Variants in CYFIP1 observed in about 807,000 individuals in gnomAD.
CYFIP1 encodes the protein cytoplasmic FMR1 interacting protein 1.
In CYFIP1, 58 loss-of-function variants were observed where a neutral mutation model predicts 163.5. The ratio of observed to expected loss-of-function variants is 0.35; its 90% CI spans 0.29 to 0.44. The LOEUF (loss-of-function observed/expected upper bound fraction) is 0.44. Ranked by LOEUF, CYFIP1 falls within the 20% of genes least tolerant of loss-of-function variation. The pLI, the probability that CYFIP1 is intolerant of heterozygous loss-of-function variation, is 1.00. For synonymous variants in CYFIP1, 663 were observed against 660.7 expected (o/e 1.00, Z -0.05); for missense variants, 1,338 against 1,653.8 (o/e 0.81, Z 3.31).
At chr15:22,872,387 G>A (rs2059461333) in intron 30 of CYFIP1, among the ~76,000 whole-genome samples, 1 of 151,964 alleles carries the variant, frequency 6.6e-6, no homozygotes. Flanking sequence ...TTTAACTGAA[G>A]TCCTGAATGG....
chr15:22,961,338 G>A (rs1360412561), intron 1 of CYFIP1, among the ~76,000 whole-genome samples: 1 of 151,912 alleles, frequency 6.6e-6, no homozygotes, highest in Non-Finnish European at 1.5e-5. Flanking sequence ...TTCATTTCTT[G>A]TATTATCACT....
Position 22,874,642 on chromosome 15 carries a change from C to T in CYFIP1, c.3118G>A (p.Gly1040Arg), listed in dbSNP as rs745305763. ...TTCATTTTGGCATCAAGTCTCTCCC[C>T]CTCTGCAGTAGAAAAAATATTTTAC... ...NILPRVHVKE[G>R]ERLDAKMKRL... Residue 1040 changes from glycine to arginine, a missense_variant and splice_region_variant, in exon 28 of 31, where the codon GGG (glycine) becomes AGG (arginine). Gly to Arg is a moderately radical substitution (Grantham distance 125). This residue lies in a region of CYFIP1 where 306 missense variants were observed against 322.1 expected (regional missense o/e 0.95). Transcript: ENST00000617928. The T allele has an allele frequency of 6.3e-7, 1 of 1,587,112 alleles. No individual in the cohort carries two copies. Among genetic ancestry groups the T allele is most frequent in the South Asian group, 1.2e-5 (1 of 86,566 alleles).
chr15:22,954,674 A>C, intron 1 of CYFIP1, among the ~76,000 whole-genome samples: 1 of 152,314 alleles, frequency 6.6e-6, no homozygotes, highest in East Asian at 1.9e-4. Context: ...CTGATTTTCT[A>C]TCAGCAGCAG....
At chr15:22,907,805 C>T (rs1348539334) in intron 21 of CYFIP1, among the ~76,000 whole-genome samples, 1 of 152,164 alleles carries the variant, frequency 6.6e-6, no homozygotes, top group Non-Finnish European at 1.5e-5. Context: ...CTGAGGTCCC[C>T]CTGTGGCTCC....
chr15:22,932,831 C>T (rs1380077333), intron 10 of CYFIP1, among the ~76,000 whole-genome samples: 1 of 152,110 alleles, frequency 6.6e-6, no homozygotes, highest in East Asian at 1.9e-4. Context: ...CACTGTCAGT[C>T]TCTTCTTTTT....
intron 22 of CYFIP1, among the ~76,000 whole-genome samples, chr15:22,902,483 TCTC>T: frequency 6.6e-6 from 1 of 152,238 alleles, no homozygotes; most frequent in East Asian, 1.9e-4. Flanking sequence ...CTCATTTTTC[TCTC>T]CTATGTATCC....
chr15:22,939,546 C>G, intron 6 of CYFIP1, 39 bp from the exon 7 acceptor site: 1 of 831,440 alleles, frequency 1.2e-6, no homozygotes, highest in Non-Finnish European at 1.8e-6. Context: ...AATGCACCAA[C>G]GTGCCACATT....
In CYFIP1 at chr15:22,932,217, G is replaced by A. The variant is rs1486030245; in HGVS notation, c.1110+6C>T. On this transcript the variant is annotated splice_donor_region_variant and intron_variant, in intron 11 of 30. Transcript: ENST00000617928. ...TGCCTGTGCAGCTCCAGGTCGCGGG[G>A]CGCACCTCGCTGTTGCTGTAGCGCG... 2 of 1,605,672 alleles carry A rather than the reference G, an allele frequency of 1.2e-6. No individual in the cohort carries two copies. Among genetic ancestry groups the A allele is most frequent in the East Asian group, 2.2e-5 (1 of 44,588 alleles).
At chr15:22,890,001 A>G (rs1381569744) in intron 23 of CYFIP1, among the ~76,000 whole-genome samples, 1 of 152,146 alleles carries the variant, frequency 6.6e-6, no homozygotes, top group East Asian at 1.9e-4. Flanking sequence ...TAATTATTGC[A>G]TAAAAGTCAG....
intron 1 of CYFIP1, among the ~76,000 whole-genome samples, chr15:22,954,905 T>G (rs1392982466): frequency 6.6e-6 from 1 of 152,190 alleles, no homozygotes; most frequent in Non-Finnish European, 1.5e-5. Flanking sequence ...GAGTGTCTCA[T>G]GGGTCGGGAT....
At chr15:22,948,767 C>G (rs2062143774) in intron 1 of CYFIP1, among the ~76,000 whole-genome samples, 1 of 140,970 alleles carries the variant, frequency 7.1e-6, no homozygotes, top group East Asian at 2.1e-4. Context: ...AAAGAAGAAC[C>G]AAATGGAAAT....
chr15:22,876,358 A>G (rs1566914815), intron 26 of CYFIP1, among the ~76,000 whole-genome samples: 1 of 151,886 alleles, frequency 6.6e-6, no homozygotes, highest in Non-Finnish European at 1.5e-5. Context: ...GCAGCATCAC[A>G]CTCCATCCAG....
chr15:22,914,154 G>C (rs953740668), intron 17 of CYFIP1, among the ~76,000 whole-genome samples: 1 of 152,130 alleles, frequency 6.6e-6, no homozygotes, highest in African/African-American at 2.4e-5. Flanking sequence ...GTCAGAGGCT[G>C]TGTCACACAA....
At chr15:22,911,015 C>T (rs1438693535) in intron 18 of CYFIP1, among the ~76,000 whole-genome samples, 1 of 151,984 alleles carries the variant, frequency 6.6e-6, no homozygotes, top group Non-Finnish European at 1.5e-5. Context: ...GATTCTCCTG[C>T]CTCAGCCTCC....
chr15:22,889,385 G>A (rs991451566), intron 23 of CYFIP1, among the ~76,000 whole-genome samples: 8 of 152,118 alleles, frequency 5.3e-5, no homozygotes, highest in South Asian at 4.1e-4. Flanking sequence ...CTGGAACAGC[G>A]CGCTCATGTT....
chr15:22,916,529 T>C lies in CYFIP1; in HGVS notation c.1776A>G (p.Ile592Met). 2 of 1,614,008 alleles carry C rather than the reference T, an allele frequency of 1.2e-6. No individual in the cohort carries two copies. The highest frequency in any genetic ancestry group is 1.7e-6 in the Non-Finnish European group (2 of 1,179,956). The part of the protein sequence containing the change: ...SSLEGPTILD[I>M]EKFHRESFFY... ...AGAATGACTCTCGATGAAATTTTTC[T>C]ATGTCCAATATGGTGGGCCCCTCAA... Residue 592 changes from isoleucine (I) to methionine (M), a missense_variant, in exon 16 of 31, where the codon ATA becomes ATG. Physicochemically the swap from Ile to Met is conservative, Grantham distance 10 (BLOSUM62 1). This residue lies in a region of CYFIP1 where 824 missense variants were observed against 995.7 expected (regional missense o/e 0.83). Transcript: ENST00000617928.
At chr15:22,889,021 G>C (rs10152793) in intron 23 of CYFIP1, among the ~76,000 whole-genome samples, 58,763 of 151,112 alleles carry the variant, frequency 0.39, 13,237 homozygotes, top group Admixed American at 0.56. Flanking sequence ...CTCCAGCCTA[G>C]GGGACAGACT....
chr15:22,956,726 G>A (rs1333491224), intron 1 of CYFIP1, among the ~76,000 whole-genome samples: 1 of 152,172 alleles, frequency 6.6e-6, no homozygotes, highest in Non-Finnish European at 1.5e-5. Flanking sequence ...CCCCACTGCC[G>A]CCCCGAGACA....
chr15:22,932,398 G>T, intron 10 of CYFIP1, 58 bp from the exon 11 acceptor site: 1 of 1,277,296 alleles, frequency 7.8e-7, no homozygotes, highest in South Asian at 1.5e-5. Flanking sequence ...CCACAGCACT[G>T]GGGCAGCTCA....
Sources: allele counts gnomAD v4.1 joint callset (sites outside exome capture counted in the v4.1 genomes callset), GRCh38; gene constraint gnomAD v4.1.1; regional missense constraint gnomAD v4.1.1; transcripts MANE v1.5; gene names NCBI Gene and HGNC (gene_info 2026-07-23, HGNC 2026-07-21).